PHF12: variants seen among roughly 807,000 people sequenced by gnomAD.
The protein encoded by PHF12 is PHD finger protein 12, also known as PHD factor 1.
PHF12 carries 6 observed loss-of-function variants against 99.8 expected under a neutral mutation model. That is an observed-to-expected ratio of 0.06 (90% confidence interval 0.03 to 0.12). The LOEUF is 0.12. PHF12 is among the 10% of genes least tolerant of loss of function. The pLI is 1.00. For missense variants in PHF12, 954 were observed against 1,300.1 expected (o/e 0.73, Z 4.09); for synonymous variants, 480 against 514.9 (o/e 0.93, Z 0.92).
chr17:28,920,081 T>C (rs2040135284), intron 5 of PHF12, among the ~76,000 whole-genome samples: 1 of 152,194 alleles, frequency 6.6e-6, no homozygotes, highest in Admixed American at 6.5e-5. Context: ...AGAGGTGTGC[T>C]GGAAAGATGA....
chr17:28,905,991 G>GC lies in PHF12; in HGVS notation c.*191dup, dbSNP rs1049545469. 3 of 588,170 alleles carry GC rather than the reference G, an allele frequency of 5.1e-6. No homozygotes were observed. Among genetic ancestry groups the GC allele is most frequent in the Non-Finnish European group, 2.8e-6 (1 of 352,670 alleles). The allele number at this position is 588,170 out of a possible 1,614,324, so 36.4% of individuals were successfully genotyped here. On this transcript the variant is annotated 3_prime_UTR_variant, in exon 15 of 15. Coordinates refer to ENST00000332830, the MANE Select transcript of PHF12 (RefSeq NM_001033561.2). ...GTTGAGTACAAATATATGTGCAAAT[G>GC]CCCCCTAGAACTTGAGAAAAGAAAA... is the stretch of plus-strand genomic sequence containing the variant.
At chr17:28,917,259 C>G (rs1567954675) in intron 7 of PHF12, 26 bp downstream of exon 7, 2 of 1,612,650 alleles carry the variant, frequency 1.2e-6, no homozygotes, top group East Asian at 4.5e-5. Flanking sequence ...AGACTACCAT[C>G]TTGCCTGCAC....
chr17:28,912,721 C>T lies in PHF12; in HGVS notation c.1850G>A (p.Ser617Asn), dbSNP rs2039984823. Residue 617 changes from serine to asparagine, a missense_variant, in exon 9 of 15, where the codon AGT (serine) becomes AAT (asparagine). Around this residue, in one of 8 missense-constraint regions of PHF12, gnomAD observed 392 missense variants for 423.1 expected, o/e 0.93. Transcript: ENST00000332830. ...GGGCAGGCTTGGGACAGGAACCAAA[C>T]TCCTCTGGGGGCAAGAGCTGGGGCC... Reference protein sequence around the residue: ...ATGPSSCPQRSLVPVPSLPPS... With the variant: ...ATGPSSCPQRNLVPVPSLPPS... 6.2e-7 allele frequency: 1 copy of T among 1,614,224 alleles called. No individual in the cohort carries two copies. The highest frequency in any genetic ancestry group is 1.3e-5 in the African/African-American group (1 of 75,068).
At position 28,913,135 on chromosome 17, in the gene PHF12, G is replaced by C; in HGVS notation, c.1436C>G (p.Ser479Cys). ...VIVTDSSVTT[S>C]LQTADKTPTP... ...AGGTGTCTTGTCAGCTGTTTGCAGG[G>C]AGGTGGTGACTGAGCTGTCAGTCAC... The change falls in exon 9 of 15, where the codon TCC becomes TGC. Residue 479 changes from serine (S) to cysteine (C), a missense_variant. Ser to Cys is a moderately radical substitution (Grantham distance 112). This residue lies in a region of PHF12 where 392 missense variants were observed against 423.1 expected (regional missense o/e 0.93). Transcript: ENST00000332830. The C allele has an allele frequency of 1.2e-6, 2 of 1,614,182 alleles. No individual in the cohort carries two copies. The highest frequency in any genetic ancestry group is 1.7e-6 in the Non-Finnish European group (2 of 1,180,020).
chr17:28,926,223 C>A (rs2040270549), intron 3 of PHF12: 1 of 155,266 alleles, frequency 6.4e-6, no homozygotes, highest in Non-Finnish European at 1.4e-5. Context: ...TTTCTGCAAC[C>A]AAGGAAGTCA....
At position 28,906,232 on chromosome 17, in the gene PHF12, G is replaced by C. The variant is rs561845686; in HGVS notation, c.2966C>G (p.Ser989Cys). Reference sequence around the variant, plus strand: ...CACAGGGCCCTGGTGGGGCTTGAGAGAGAGCTTCTCGGCCAAGACCCCATC... The same window carrying C: ...CACAGGGCCCTGGTGGGGCTTGAGACAGAGCTTCTCGGCCAAGACCCCATC... ...LQDGVLAEKL[S>C]LKPHQGPVLR... The change falls in exon 15 of 15, where the codon TCT becomes TGT. Residue 989 changes from serine to cysteine, a missense_variant. Physicochemically the swap from Ser to Cys is moderately radical, Grantham distance 112. Around this residue, in one of 8 missense-constraint regions of PHF12, gnomAD observed 136 missense variants for 172.3 expected, o/e 0.79. Transcript: ENST00000332830. The surrounding 1 kb of genome is among the most constrained non-coding windows in gnomAD (Gnocchi z 4.2). The C allele has an allele frequency of 6.2e-6, 10 of 1,612,080 alleles. No homozygotes were observed. Among genetic ancestry groups the C allele is most frequent in the Non-Finnish European group, 8.5e-6 (10 of 1,178,448 alleles).
chr17:28,938,750 A>G (rs1048877917), intron 2 of PHF12, among the ~76,000 whole-genome samples: 1 of 152,198 alleles, frequency 6.6e-6, no homozygotes, highest in Non-Finnish European at 1.5e-5. Flanking sequence ...ACAGGACTGA[A>G]GTAATCTCCT....
intron 6 of PHF12, among the ~76,000 whole-genome samples, chr17:28,918,392 T>G (rs1019191791): frequency 6.6e-6 from 1 of 152,250 alleles, no homozygotes. Context: ...TTGACTGGCA[T>G]GAGTCAAAAG....
chr17:28,948,673 A>G (rs1010521973), intron 2 of PHF12, among the ~76,000 whole-genome samples: 3 of 152,220 alleles, frequency 2.0e-5, no homozygotes, highest in Non-Finnish European at 4.4e-5. Flanking sequence ...GTACAAATAT[A>G]CAGTAGACAC....
intron 3 of PHF12, 126 bp downstream of exon 3, chr17:28,926,862 GTGA>G: frequency 6.4e-7 from 1 of 1,558,612 alleles, no homozygotes; most frequent in East Asian, 2.4e-5. Context: ...GAAGAGTGGG[GTGA>G]TTCCAGGGCT....
intron 6 of PHF12, among the ~76,000 whole-genome samples, chr17:28,918,185 T>C (rs1050517927): frequency 2.6e-5 from 4 of 152,212 alleles, no homozygotes; most frequent in African/African-American, 9.6e-5. Flanking sequence ...AATTCATAAA[T>C]CAGGAAAAAC....
At chr17:28,942,726 G>C (rs1055404847) in intron 2 of PHF12, among the ~76,000 whole-genome samples, 4 of 152,044 alleles carry the variant, frequency 2.6e-5, no homozygotes, top group African/African-American at 9.7e-5. Context: ...TGAGGCAGGA[G>C]AACCACTTGA....
chr17:28,921,711 G>T lies in PHF12; in HGVS notation c.813C>A (p.Val271=), dbSNP rs752746721. 1.2e-5 allele frequency: 19 copies of T among 1,613,966 alleles called. No homozygotes were observed. The highest frequency in any genetic ancestry group is 1.6e-5 in the Non-Finnish European group (19 of 1,179,956). The stretch of plus-strand genomic sequence containing the variant: ...ACCTGTTACACGTGAAGCAGACTTT[G>T]ACGGGTAAGGGAACGAGACCATTGT... ...LDHNGLVPLP[V]KVCFTCNRSC... is the part of the protein sequence containing the mutation. The change falls in exon 5 of 15, where the codon GTC becomes GTA. Residue 271 remains valine (V), a synonymous_variant. Coordinates refer to ENST00000332830, the MANE Select transcript of PHF12 (RefSeq NM_001033561.2).
At chr17:28,907,493 C>A (rs2039890617) in intron 13 of PHF12, 97 bp downstream of exon 13, 1 of 1,209,602 alleles carries the variant, frequency 8.3e-7, no homozygotes, top group Admixed American at 1.9e-5. Context: ...GACCCCCAAT[C>A]CCTCTTCCCT....
intron 9 of PHF12, among the ~76,000 whole-genome samples, chr17:28,911,661 C>A (rs548110545): frequency 4.1e-4 from 62 of 152,316 alleles, no homozygotes; most frequent in African/African-American, 1.3e-3. Context: ...AGCCTGGGAG[C>A]GGGGCCATCC....
intron 13 of PHF12, 74 bp from the exon 14 acceptor site, chr17:28,907,068 T>C (rs1355742029): frequency 1.3e-6 from 2 of 1,491,098 alleles, no homozygotes; most frequent in Non-Finnish European, 1.8e-6. Context: ...AGAGGACATA[T>C]GGAGAAGGCC....
At position 28,911,191 on chromosome 17, in the gene PHF12, G is replaced by C. The variant is rs1421716316; in HGVS notation, c.2136C>G (p.Thr712=). Residue 712 remains threonine (T), a synonymous_variant, in exon 10 of 15, where the codon ACC becomes ACG. Coordinates refer to ENST00000332830, the MANE Select transcript of PHF12 (RefSeq NM_001033561.2). The part of the protein sequence containing the change: ...PGTLSIGSAL[T]VPSFPANSTA... ...TAGAGTTGGCTGGGAAAGAGGGTAC[G>C]GTTAAAGCGCTTCCTATGGATAACG... 15 of 1,614,010 alleles carry C rather than the reference G, an allele frequency of 9.3e-6. No individual in the cohort carries two copies. Among genetic ancestry groups the C allele is most frequent in the Non-Finnish European group, 1.3e-5 (15 of 1,180,034 alleles).
chr17:28,908,605 C>T, intron 12 of PHF12, 178 bp downstream of exon 12: 1 of 635,480 alleles, frequency 1.6e-6, no homozygotes. Context: ...TAGGCGTGAG[C>T]CACCGTGACT....
intron 13 of PHF12, 76 bp from the exon 14 acceptor site, chr17:28,907,070 G>C (rs1416221799): frequency 1.3e-6 from 2 of 1,484,716 alleles, no homozygotes; most frequent in Non-Finnish European, 1.8e-6. Context: ...AGGACATATG[G>C]AGAAGGCCGT....
Sources: gnomAD v4.1 joint callset for allele counts (sites outside exome capture counted in the v4.1 genomes callset) on GRCh38, gnomAD v4.1.1 for gene constraint, gnomAD v4.1.1 regional missense constraint, Gnocchi (gnomAD v3.1) non-coding constraint, MANE v1.5 for transcripts, NCBI Gene and HGNC (gene_info 2026-07-23, HGNC 2026-07-21) for gene names.